COL4A3: variants seen among roughly 807,000 people sequenced by gnomAD.
COL4A3 encodes the protein collagen type IV alpha 3 chain.
Under a neutral mutation model 217.4 loss-of-function variants are expected in COL4A3, and 135 were observed. That is an observed-to-expected ratio of 0.62 (90% CI 0.54 to 0.72). The LOEUF (loss-of-function observed/expected upper bound fraction) is 0.72, where lower values mean the gene tolerates loss of function less well. Ranked by LOEUF, COL4A3 falls within the 30% of genes least tolerant of loss-of-function variation. The pLI is 0.00. For missense variants in COL4A3, 1,868 were observed against 2,119.9 expected (o/e 0.88, Z 2.33); for synonymous variants, 690 against 736.3 (o/e 0.94, Z 1.02).
chr2:227,164,871 G>C lies in COL4A3; in HGVS notation c.87+58G>C. 7.0e-7 allele frequency: 1 copy of C among 1,423,242 alleles called. No individual in the cohort carries two copies. The highest frequency in any genetic ancestry group is 9.2e-7 in the Non-Finnish European group (1 of 1,092,774). The allele number at this position is 1,423,242 out of a possible 1,614,324, so 88.2% of individuals were successfully genotyped here. A position where few individuals can be genotyped will look rare whatever the true frequency, so the allele number is the denominator to read the frequency against. Reference sequence around the variant, plus strand: ...ACTTCCATCCCTCCTCCACGCGTCCGGGGGACGCGCTGGCCCCACCCGCAG... The same window carrying C: ...ACTTCCATCCCTCCTCCACGCGTCCCGGGGACGCGCTGGCCCCACCCGCAG... On this transcript the variant is annotated intron_variant, in intron 1 of 51. Coordinates refer to ENST00000396578, the MANE Select transcript of COL4A3 (RefSeq NM_000091.5). The surrounding 1 kb of genome is among the most constrained non-coding windows in gnomAD (Gnocchi z 4.8).
At chr2:227,187,425 G>T (rs1281488966) in intron 1 of COL4A3, among the ~76,000 whole-genome samples, 4 of 152,266 alleles carry the variant, frequency 2.6e-5, no homozygotes, top group South Asian at 2.1e-4. Flanking sequence ...ACAGCAGCAG[G>T]GATGAGCTGT....
At chr2:227,242,993 G>C (rs1365688574) in intron 3 of COL4A3, among the ~76,000 whole-genome samples, 2 of 152,132 alleles carry the variant, frequency 1.3e-5, no homozygotes, top group African/African-American at 4.8e-5. Flanking sequence ...CTAAGGCATG[G>C]ACCCAGGTTT....
At position 227,311,812 on chromosome 2, in the gene COL4A3, C is replaced by T; in HGVS notation, c.4955C>T (p.Ala1652Val). The stretch of plus-strand genomic sequence containing the variant: ...AAGCCTATTCCATCAACTGTGAAAG[C>T]TGGGGAATTAGAAAAAATAATAAGT... ...FRKPIPSTVKAGELEKIISRC... is the reference protein window; with the variant it reads ...FRKPIPSTVKVGELEKIISRC... The change falls in exon 52 of 52, where the codon GCT (alanine) becomes GTT (valine). Residue 1652 changes from alanine (A) to valine (V), a missense_variant. Physicochemically the swap from Ala to Val is moderately conservative, Grantham distance 64. Around this residue, in one of 2 missense-constraint regions of COL4A3, gnomAD observed 1,503 missense variants for 1,786.1 expected, o/e 0.84. Coordinates refer to ENST00000396578, the MANE Select transcript of COL4A3 (RefSeq NM_000091.5). 1.2e-6 allele frequency: 2 copies of T among 1,613,834 alleles called. No homozygotes were observed. Among genetic ancestry groups the T allele is most frequent in the Non-Finnish European group, 1.7e-6 (2 of 1,179,950 alleles).
intron 1 of COL4A3, among the ~76,000 whole-genome samples, chr2:227,235,440 T>C (rs2125874663): frequency 6.6e-6 from 1 of 152,250 alleles, no homozygotes; most frequent in South Asian, 2.1e-4. Context: ...TCTCAGTCGG[T>C]TACTTTCTCT....
At position 227,282,271 on chromosome 2, in the gene COL4A3, T is replaced by TAA. The variant is rs1241075688; in HGVS notation, c.2489-90_2489-89dup. The TAA allele has an allele frequency of 3.8e-5, 18 of 473,802 alleles. No individual in the cohort carries two copies. In the African/African-American group the frequency reaches 5.3e-4, roughly 14 times the overall value. 29.3% of individuals were successfully genotyped at this position (473,802 alleles called of 1,614,324 possible). A position where few individuals can be genotyped will look rare whatever the true frequency, so the allele number is the denominator to read the frequency against. On this transcript the variant is annotated intron_variant, in intron 31 of 51. Coordinates refer to ENST00000396578, the MANE Select transcript of COL4A3 (RefSeq NM_000091.5). This position sits in a 1 kb window ranked among gnomAD's most constrained non-coding sequence, Gnocchi z 4.4. The stretch of plus-strand genomic sequence containing the variant: ...TAGAAGACAGAGGGAGATTCCATCT[T>TAA]AAAAATATATATATATATATATATA...
At position 227,279,814 on chromosome 2, in the gene COL4A3, C is replaced by G. The variant is rs759585383; in HGVS notation, c.2147C>G (p.Thr716Arg). 20 of 1,609,306 alleles carry G rather than the reference C, an allele frequency of 1.2e-5. No homozygotes were observed. The highest frequency in any genetic ancestry group is 1.7e-5 in the Non-Finnish European group (20 of 1,178,112). Residue 716 changes from threonine (T) to arginine (R), a missense_variant, in exon 29 of 52, where the codon ACA becomes AGA. Thr to Arg is a moderately conservative substitution (Grantham distance 71, BLOSUM62 -1). Coordinates refer to ENST00000396578, the MANE Select transcript of COL4A3 (RefSeq NM_000091.5). ...GTAGGAGACCAAGGTTTTCCAGGTA[C>G]AAAAGGATCACTGGGTTGTCCTGGA... ...GPKGDQGFPG[T>R]KGSLGCPGKM...
chr2:227,180,580 A>G (rs1255853221), intron 1 of COL4A3, among the ~76,000 whole-genome samples: 20 of 152,202 alleles, frequency 1.3e-4, no homozygotes. Flanking sequence ...AGAACCCTTC[A>G]TCATGGTCCA....
In COL4A3 at chr2:227,203,242, T is replaced by TAC. The variant is rs202091985; in HGVS notation, c.88-34724_88-34723dup. ...ATATATGTGTATATATGTGTATATATACATATATGTATATATACATATATG... is the reference window on the plus strand; with the variant it reads ...ATATATGTGTATATATGTGTATATATACACATATATGTATATATACATATATG... On this transcript the variant is annotated intron_variant, in intron 1 of 51. Coordinates refer to ENST00000396578, the MANE Select transcript of COL4A3 (RefSeq NM_000091.5). Among the ~76,000 whole-genome samples the TAC allele has an allele frequency of 7.9e-4, 9 of 11,374 alleles. 4 individuals carry two copies. The South Asian group carries it at 0.04, about 51-fold the overall frequency. 7.5% of individuals were successfully genotyped at this position (11,374 alleles called of 152,430 possible). A position where few individuals can be genotyped will look rare whatever the true frequency, so the allele number is the denominator to read the frequency against.
chr2:227,204,331 C>G (rs1224564567), intron 1 of COL4A3, among the ~76,000 whole-genome samples: 1 of 152,154 alleles, frequency 6.6e-6, no homozygotes, highest in African/African-American at 2.4e-5. Flanking sequence ...CCACCTGGTA[C>G]TGCTTCTATT....
intron 43 of COL4A3, among the ~76,000 whole-genome samples, chr2:227,302,662 A>G (rs576283929): frequency 3.1e-4 from 42 of 136,192 alleles, no homozygotes; most frequent in African/African-American, 1.1e-3. Flanking sequence ...GGAGGACAAA[A>G]CGAGACTCTT....
At chr2:227,245,647 C>A (rs1219949182) in intron 5 of COL4A3, 4 of 447,126 alleles carry the variant, frequency 8.9e-6, no homozygotes, top group Admixed American at 6.8e-5. Flanking sequence ...GCACACTTTC[C>A]TCTTCTTTTT....
At chr2:227,227,785 G>A (rs1313637463) in intron 1 of COL4A3, 2 of 152,116 alleles carry the variant, frequency 1.3e-5, no homozygotes, top group African/African-American at 4.8e-5. Flanking sequence ...TCATTACAGT[G>A]CTGATGGAAG....
intron 1 of COL4A3, among the ~76,000 whole-genome samples, chr2:227,201,538 G>A (rs958914620): frequency 2.0e-5 from 3 of 152,162 alleles, no homozygotes; most frequent in Admixed American, 6.5e-5. Flanking sequence ...AAGAATAGTA[G>A]CAATGTATCC....
rs778080645 is a variant in COL4A3 at position 227,313,843 on chromosome 2, C to A, written c.*1973C>A. ...AAACCCTCTGTAGGCCAGTAGTTCT[C>A]AAAGTGTGGTCTCTGGAAGAGCAGT... is the stretch of plus-strand genomic sequence containing the variant. On this transcript the variant is annotated 3_prime_UTR_variant, in exon 52 of 52. Transcript: ENST00000396578. The A allele has an allele frequency of 5.9e-5, 9 of 152,192 alleles. No homozygotes were observed. Among genetic ancestry groups the A allele is most frequent in the Admixed American group, 1.3e-4 (2 of 15,282 alleles). 9.4% of individuals were successfully genotyped at this position (152,192 alleles called of 1,614,324 possible).
chr2:227,293,243 C>T lies in COL4A3; in HGVS notation c.3263C>T (p.Pro1088Leu). Reference protein sequence around the residue: ...DMGKKGEMGQPGPPGHLGPAG... With the variant: ...DMGKKGEMGQLGPPGHLGPAG... The stretch of plus-strand genomic sequence containing the variant: ...GGAAAGAAAGGAGAAATGGGGCAAC[C>T]TGGCCCACCTGGACATTTGGGGCCT... The change falls in exon 38 of 52, where the codon CCT (proline) becomes CTT (leucine). Residue 1088 changes from proline (P) to leucine (L), a missense_variant. By Grantham distance (98) the Pro-to-Leu change is moderately conservative. Around this residue, in one of 2 missense-constraint regions of COL4A3, gnomAD observed 1,503 missense variants for 1,786.1 expected, o/e 0.84. Transcript: ENST00000396578. 1.2e-6 allele frequency: 2 copies of T among 1,613,898 alleles called. No individual in the cohort carries two copies. Among genetic ancestry groups the T allele is most frequent in the Non-Finnish European group, 1.7e-6 (2 of 1,180,022 alleles).
chr2:227,303,998 T>A (rs2073399697), intron 45 of COL4A3, 21 bp from the exon 46 acceptor site: 1 of 1,614,118 alleles, frequency 6.2e-7, no homozygotes, highest in Non-Finnish European at 8.5e-7. Flanking sequence ...CATCATCTTC[T>A]TCTTATGTTT....
At chr2:227,225,926 G>T (rs1242566249) in intron 1 of COL4A3, among the ~76,000 whole-genome samples, 1 of 152,010 alleles carries the variant, frequency 6.6e-6, no homozygotes, top group Non-Finnish European at 1.5e-5. Context: ...TGGCCAGGCT[G>T]GTCTTGAACT....
rs1346806517 is a variant in COL4A3, at chr2:227,253,873, A to G, written c.765+235A>G. On this transcript the variant is annotated intron_variant, in intron 13 of 51. Transcript: ENST00000396578. The surrounding 1 kb of genome is among the most constrained non-coding windows in gnomAD (Gnocchi z 4.4). ...TGGGCAACAGAGTGAGACTTCATTT[A>G]AAAAAAAAAACAACAAAAAAAAGAT... is the stretch of plus-strand genomic sequence containing the variant. Among the ~76,000 whole-genome samples, 1 of 143,372 alleles carries G rather than the reference A, an allele frequency of 7.0e-6. No individual in the cohort carries two copies. Among genetic ancestry groups the G allele is most frequent in the Non-Finnish European group, 1.5e-5 (1 of 66,956 alleles). 94.1% of individuals were successfully genotyped at this position (143,372 alleles called of 152,430 possible).
Position 227,245,927 on chromosome 2 carries a change from C to T in COL4A3, c.325-27C>T, listed in dbSNP as rs112712399. ...CAGTGCTGTTTCTTGGGATGACCCT[C>T]CTCATTGAGACTTGTTCTTCTTCCA... is the stretch of plus-strand genomic sequence containing the variant. On this transcript the variant is annotated intron_variant, in intron 5 of 51. Coordinates refer to ENST00000396578, the MANE Select transcript of COL4A3 (RefSeq NM_000091.5). 0.022 allele frequency: 35,764 copies of T among 1,598,172 alleles called. 1,415 individuals are homozygous for T. The highest frequency in any genetic ancestry group is 0.15 in the Admixed American group (9,102 of 59,980).
Sources: gnomAD v4.1 joint callset for allele counts (sites outside exome capture counted in the v4.1 genomes callset) on GRCh38, gnomAD v4.1.1 for gene constraint, gnomAD v4.1.1 regional missense constraint, Gnocchi (gnomAD v3.1) non-coding constraint, MANE v1.5 for transcripts, NCBI Gene and HGNC (gene_info 2026-07-23, HGNC 2026-07-21) for gene names.